TLE4: variants seen among roughly 807,000 people sequenced by gnomAD.
TLE4 encodes the protein transducin-like enhancer protein 4.
In TLE4, 8 loss-of-function variants were observed where a neutral mutation model predicts 92.8. That is an observed-to-expected ratio of 0.09 (90% CI 0.05 to 0.16). The LOEUF (loss-of-function observed/expected upper bound fraction) is 0.16, where lower values mean the gene tolerates loss of function less well. Among genes scored for constraint, TLE4 ranks in the 10% least tolerant of loss-of-function variants. TLE4 has a pLI of 1.00. For missense variants in TLE4, 675 were observed against 997.6 expected (o/e 0.68, Z 4.36); for synonymous variants, 371 against 374.1 (o/e 0.99, Z 0.10).
chr9:79,622,478 T>A (rs1265132632), intron 5 of TLE4, among the ~76,000 whole-genome samples: 4 of 152,146 alleles, frequency 2.6e-5, no homozygotes, highest in Admixed American at 6.5e-5. Flanking sequence ...AGTTGTCAGG[T>A]CAGCTTCCTA....
At chr9:79,625,297 G>C (rs1185521733) in intron 5 of TLE4, among the ~76,000 whole-genome samples, 1 of 151,990 alleles carries the variant, frequency 6.6e-6, no homozygotes, top group Non-Finnish European at 1.5e-5. Flanking sequence ...GGGATTACAG[G>C]CGTGAGCCAC....
Position 79,718,712 on chromosome 9 carries a change from A to G in TLE4, c.1341-10A>G, listed in dbSNP as rs529724901. On this transcript the variant is annotated splice_polypyrimidine_tract_variant and intron_variant, in intron 14 of 19. Transcript: ENST00000376552. Reference sequence around the variant, plus strand: ...TTCCCCTCTTTCTTTTTTCCTCTCCATTGCCTTAGAGCATACTCCTTCCAT... The same window carrying G: ...TTCCCCTCTTTCTTTTTTCCTCTCCGTTGCCTTAGAGCATACTCCTTCCAT... The G allele has an allele frequency of 3.8e-5, 61 of 1,599,008 alleles. 1 individual carries two copies. In the South Asian group the frequency reaches 5.1e-4, roughly 13 times the overall value.
chr9:79,678,860 G>A (rs2063828619), intron 8 of TLE4, among the ~76,000 whole-genome samples: 1 of 151,474 alleles, frequency 6.6e-6, no homozygotes, highest in African/African-American at 2.4e-5. Flanking sequence ...CCATGAGTGA[G>A]AACATGCGGT....
At position 79,619,466 on chromosome 9, in the gene TLE4, A is replaced by G. The variant is rs62569298; in HGVS notation, c.315+6748A>G. On this transcript the variant is annotated intron_variant, in intron 5 of 19. Coordinates refer to ENST00000376552, the MANE Select transcript of TLE4 (RefSeq NM_007005.6). Reference sequence around the variant, plus strand: ...GAAATGAAGAAAATACAGTGGTTATATGCACTGGTGGAAGTGTTATCGCCT... The same window carrying G: ...GAAATGAAGAAAATACAGTGGTTATGTGCACTGGTGGAAGTGTTATCGCCT... Among the ~76,000 whole-genome samples, 1,412 of 152,344 alleles carry G rather than the reference A, an allele frequency of 9.3e-3. 7 individuals are homozygous for G. Among genetic ancestry groups the G allele is most frequent in the Non-Finnish European group, 0.015 (1,035 of 68,026 alleles).
chr9:79,667,551 A>T (rs1286988940), intron 8 of TLE4, among the ~76,000 whole-genome samples: 1 of 152,212 alleles, frequency 6.6e-6, no homozygotes, highest in Admixed American at 6.5e-5. Context: ...ATCTCTAGGA[A>T]CAGCTGCTTT....
At chr9:79,670,047 A>C (rs1336906517) in intron 8 of TLE4, among the ~76,000 whole-genome samples, 1 of 152,162 alleles carries the variant, frequency 6.6e-6, no homozygotes, top group African/African-American at 2.4e-5. Context: ...GAATGGGGAT[A>C]AATGCATCTA....
At chr9:79,652,465 G>T (rs1422634251) in intron 6 of TLE4, 128 bp from the exon 7 acceptor site, 12 of 978,788 alleles carry the variant, frequency 1.2e-5, no homozygotes, top group Non-Finnish European at 1.9e-5. Flanking sequence ...GGGATTACAG[G>T]CGTGAGCCAC....
chr9:79,716,883 A>G (rs2074600363), intron 14 of TLE4, among the ~76,000 whole-genome samples: 1 of 152,138 alleles, frequency 6.6e-6, no homozygotes, highest in Admixed American at 6.5e-5. Context: ...TTCTTATTCC[A>G]TTCTTACCAT....
chr9:79,702,416 T>C (rs1315822515), intron 8 of TLE4, among the ~76,000 whole-genome samples: 9 of 152,094 alleles, frequency 5.9e-5, no homozygotes, highest in Non-Finnish European at 8.8e-5. Context: ...CAGATGATGA[T>C]TGCATGCATG....
intron 6 of TLE4, among the ~76,000 whole-genome samples, chr9:79,647,465 G>A (rs764785260): frequency 6.6e-6 from 1 of 152,166 alleles, no homozygotes; most frequent in Middle Eastern, 3.4e-3. Context: ...CTGTATGTTC[G>A]ATCACTAAAA....
chr9:79,708,482 A>G (rs1011471841), intron 12 of TLE4, 111 bp from the exon 13 acceptor site: 4 of 1,208,048 alleles, frequency 3.3e-6, no homozygotes, highest in Non-Finnish European at 4.6e-6. Flanking sequence ...TTTTGAGAAT[A>G]TTAAAATAAG....
At chr9:79,652,288 G>A (rs2059144918) in intron 6 of TLE4, among the ~76,000 whole-genome samples, 1 of 151,996 alleles carries the variant, frequency 6.6e-6, no homozygotes, top group South Asian at 2.1e-4. Context: ...CCGGGTTCAC[G>A]CCATTCTCCT....
intron 5 of TLE4, among the ~76,000 whole-genome samples, chr9:79,620,733 AC>A (rs1463886881): frequency 6.6e-6 from 1 of 152,160 alleles, no homozygotes; most frequent in Non-Finnish European, 1.5e-5. Flanking sequence ...ATAAAGAAAT[AC>A]CTGAGACTGG....
rs1290782412 is a variant in TLE4 at position 79,572,653 on chromosome 9, C to T, written c.-138C>T. 3.5e-6 allele frequency: 2 copies of T among 577,142 alleles called. No individual in the cohort carries two copies. The highest frequency in any genetic ancestry group is 8.0e-5 in the East Asian group (2 of 24,948). The allele number at this position is 577,142 out of a possible 1,614,324, so 35.8% of individuals were successfully genotyped here. A position where few individuals can be genotyped will look rare whatever the true frequency, so the allele number is the denominator to read the frequency against. ...CCTGCCGCCCGTGTCACGCGAGACC[C>T]GGCGGGGGCCGGGACCGCCCGAGCC... On this transcript the variant is annotated 5_prime_UTR_variant, in exon 1 of 20. Transcript: ENST00000376552.
chr9:79,594,261 G>T (rs868354839), intron 4 of TLE4, among the ~76,000 whole-genome samples: 2 of 152,228 alleles, frequency 1.3e-5, no homozygotes, highest in Admixed American at 6.5e-5. Flanking sequence ...AAGATCAGGT[G>T]ATACTGATAC....
At chr9:79,609,745 T>A (rs1187238799) in intron 4 of TLE4, among the ~76,000 whole-genome samples, 5 of 152,086 alleles carry the variant, frequency 3.3e-5, no homozygotes, top group Non-Finnish European at 7.4e-5. Flanking sequence ...TTATAATATC[T>A]AGTAACCCTA....
intron 8 of TLE4, among the ~76,000 whole-genome samples, chr9:79,663,042 A>G (rs1264395211): frequency 7.7e-6 from 1 of 130,280 alleles, no homozygotes; most frequent in African/African-American, 2.8e-5. Flanking sequence ...TAACCTCCCA[A>G]CCTGGGTGGG....
chr9:79,648,298 G>T (rs1587789286), intron 6 of TLE4, among the ~76,000 whole-genome samples: 1 of 152,168 alleles, frequency 6.6e-6, no homozygotes, highest in African/African-American at 2.4e-5. Flanking sequence ...AGAGGCCTGA[G>T]ACTGGTCTCT....
chr9:79,704,470 CA>C (rs1480269417), intron 8 of TLE4, among the ~76,000 whole-genome samples: 1 of 152,134 alleles, frequency 6.6e-6, no homozygotes, highest in Non-Finnish European at 1.5e-5. Flanking sequence ...AAACCAAACC[CA>C]TTCTGTTTTG....
Sources: gnomAD v4.1 joint callset for allele counts (sites outside exome capture counted in the v4.1 genomes callset) on GRCh38, gnomAD v4.1.1 for gene constraint, MANE v1.5 for transcripts, NCBI Gene and HGNC (gene_info 2026-07-23, HGNC 2026-07-21) for gene names.